CLASP1: variants seen among roughly 807,000 people sequenced by gnomAD.
CLASP1 encodes the protein cytoplasmic linker associated protein 1.
In CLASP1, 38 loss-of-function variants were observed where a neutral mutation model predicts 192.3. The ratio of observed to expected loss-of-function variants is 0.20; its 90% CI spans 0.15 to 0.26. The LOEUF (loss-of-function observed/expected upper bound fraction) is 0.26, where lower values mean the gene tolerates loss of function less well. Ranked by LOEUF, CLASP1 falls within the 10% of genes least tolerant of loss-of-function variation. The probability of loss-of-function intolerance (pLI) is 1.00; values close to 1 mark genes in which losing one functional copy is unlikely to be tolerated. For synonymous variants in CLASP1, 691 were observed against 712.8 expected (o/e 0.97, Z 0.49); for missense variants, 1,433 against 1,932.5 (o/e 0.74, Z 4.85).
chr2:121,444,970 C>G, intron 19 of CLASP1: 1 of 1,355,878 alleles, frequency 7.4e-7, no homozygotes, highest in Non-Finnish European at 9.9e-7. Flanking sequence ...CATCTTTAAG[C>G]AAATTAAAAA....
intron 8 of CLASP1, among the ~76,000 whole-genome samples, chr2:121,472,201 G>A (rs1230879514): frequency 6.6e-6 from 1 of 152,094 alleles, no homozygotes; most frequent in Non-Finnish European, 1.5e-5. Flanking sequence ...AAATATGCAG[G>A]CATGTCATTT....
At chr2:121,495,484 A>G (rs900016825) in intron 8 of CLASP1, among the ~76,000 whole-genome samples, 1 of 151,788 alleles carries the variant, frequency 6.6e-6, no homozygotes, top group African/African-American at 2.4e-5. Flanking sequence ...AACATGGTGA[A>G]ACCCCGTCTC....
At chr2:121,518,974 T>C (rs1417528839) in intron 6 of CLASP1, among the ~76,000 whole-genome samples, 1 of 152,348 alleles carries the variant, frequency 6.6e-6, no homozygotes, top group Non-Finnish European at 1.5e-5. Context: ...GCTTAGTTTC[T>C]AGGGATAACA....
At chr2:121,441,008 T>C (rs542608205) in intron 19 of CLASP1, among the ~76,000 whole-genome samples, 2 of 152,288 alleles carry the variant, frequency 1.3e-5, no homozygotes, top group East Asian at 3.9e-4. Flanking sequence ...CTCATGACTT[T>C]TTAATACTGC....
chr2:121,595,074 T>C (rs1012535808), intron 2 of CLASP1, among the ~76,000 whole-genome samples: 1 of 152,184 alleles, frequency 6.6e-6, no homozygotes, highest in Non-Finnish European at 1.5e-5. Flanking sequence ...CTTTAAGAAA[T>C]CAACTGTGGG....
chr2:121,441,572 G>T (rs2083348034), intron 19 of CLASP1, among the ~76,000 whole-genome samples: 1 of 151,846 alleles, frequency 6.6e-6, no homozygotes, highest in Non-Finnish European at 1.5e-5. Flanking sequence ...CAAAAAAATT[G>T]AAAAATTAGC....
At chr2:121,630,007 G>A (rs1261368286) in intron 1 of CLASP1, among the ~76,000 whole-genome samples, 4 of 151,648 alleles carry the variant, frequency 2.6e-5, no homozygotes, top group East Asian at 3.9e-4. Context: ...TGCAACCTTC[G>A]CCTCCCAGGT....
intron 1 of CLASP1, among the ~76,000 whole-genome samples, chr2:121,619,428 TA>T (rs1198321064): frequency 2.6e-5 from 4 of 152,110 alleles, no homozygotes; most frequent in African/African-American, 9.7e-5. Flanking sequence ...CATAGTGAAG[TA>T]AATGATAAGA....
chr2:121,422,553 C>T (rs1574619171), intron 22 of CLASP1, among the ~76,000 whole-genome samples: 1 of 152,032 alleles, frequency 6.6e-6, no homozygotes, highest in East Asian at 1.9e-4. Context: ...ATCTTTAAGA[C>T]ACACAGAAAT....
chr2:121,511,566 C>G (rs113288048), intron 7 of CLASP1, among the ~76,000 whole-genome samples: 5,784 of 137,360 alleles, frequency 0.042, 155 homozygotes, highest in East Asian at 0.15. Flanking sequence ...CCAGTCTGGG[C>G]AACAAGAGCG....
chr2:121,343,266 A>T (rs1157264453), intron 39 of CLASP1, among the ~76,000 whole-genome samples: 1 of 152,226 alleles, frequency 6.6e-6, no homozygotes, highest in Non-Finnish European at 1.5e-5. Context: ...GATGTGGGGA[A>T]ATTAGAACCC....
chr2:121,490,385 G>A (rs1431043771), intron 8 of CLASP1: 1 of 413,802 alleles, frequency 2.4e-6, no homozygotes, highest in Non-Finnish European at 4.8e-6. Flanking sequence ...ACCCACACTT[G>A]TTCAGTGTGA....
intron 1 of CLASP1, among the ~76,000 whole-genome samples, chr2:121,648,134 G>A (rs1394409377): frequency 6.6e-6 from 1 of 152,308 alleles, no homozygotes; most frequent in Admixed American, 6.5e-5. Flanking sequence ...CCAATCCCTT[G>A]ATGAGCAAAC....
chr2:121,471,129 A>T (rs1182482939), intron 8 of CLASP1, among the ~76,000 whole-genome samples: 1 of 152,160 alleles, frequency 6.6e-6, no homozygotes, highest in African/African-American at 2.4e-5. Flanking sequence ...AAAAATAAAA[A>T]AATGTGTCAG....
At chr2:121,398,247 G>T (rs1309269034) in intron 29 of CLASP1, 75 bp downstream of exon 30, 5 of 1,046,050 alleles carry the variant, frequency 4.8e-6, no homozygotes, top group East Asian at 2.6e-5. Flanking sequence ...CTAAACATGG[G>T]TCATACATAA....
At chr2:121,361,142 G>A (rs1248688781) in intron 37 of CLASP1, among the ~76,000 whole-genome samples, 1 of 152,152 alleles carries the variant, frequency 6.6e-6, no homozygotes, top group Admixed American at 6.6e-5. Context: ...GTCTAAGTAT[G>A]TACTGCCCCA....
rs35409200 is a variant in CLASP1, at chr2:121,518,231, C to CAAA, written c.547-2472_547-2470dup. ...GGGTGACAGAGCGAGACCCCCGTCT[C>CAAA]AAAAAAAAAAAAAAAAAAAAAAAAA... On this transcript the variant is annotated intron_variant, in intron 6 of 39. Transcript: ENST00000263710. 4.8e-3 allele frequency among the ~76,000 whole-genome samples: 237 copies of CAAA among 49,526 alleles called. 4 individuals carry two copies. The highest frequency in any genetic ancestry group is 0.014 in the African/African-American group (201 of 14,086). 32.5% of individuals were successfully genotyped at this position (49,526 alleles called of 152,430 possible). A position where few individuals can be genotyped will look rare whatever the true frequency, so the allele number is the denominator to read the frequency against.
intron 2 of CLASP1, among the ~76,000 whole-genome samples, chr2:121,569,142 A>C (rs6541785): frequency 0.25 from 38,289 of 152,104 alleles, 7,687 homozygotes; most frequent in African/African-American, 0.55. Flanking sequence ...AAACTGCCAT[A>C]AGAGGTCTCT....
At position 121,530,914 on chromosome 2, in the gene CLASP1, A is replaced by C. The variant is rs771577373; in HGVS notation, c.196-589T>G. 1.4e-5 allele frequency: 10 copies of C among 699,220 alleles called. No individual in the cohort carries two copies. Among genetic ancestry groups the C allele is most frequent in the East Asian group, 2.7e-5 (1 of 37,266 alleles). 43.3% of individuals were successfully genotyped at this position (699,220 alleles called of 1,614,324 possible). ...TTTCTTGGGGTTGCGCTACTGTCCA[A>C]TGAGCGCATAGTGAGGGCAGTACTG... On this transcript the variant is annotated intron_variant, in intron 2 of 39. Transcript: ENST00000263710.
Sources: allele counts gnomAD v4.1 joint callset (sites outside exome capture counted in the v4.1 genomes callset), GRCh38; gene constraint gnomAD v4.1.1; transcripts MANE v1.5; gene names NCBI Gene and HGNC (gene_info 2026-07-23, HGNC 2026-07-21).